UTP20: variants seen among roughly 807,000 people sequenced by gnomAD.
UTP20 encodes the protein small subunit processome component 20 homolog.
A neutral mutation model predicts 329.5 loss-of-function variants in UTP20; 164 were observed. That is an observed-to-expected ratio of 0.50 (90% CI 0.44 to 0.57). The LOEUF (loss-of-function observed/expected upper bound fraction) is 0.57. UTP20 is among the 20% of genes least tolerant of loss of function. The pLI is 0.00. For missense variants in UTP20, 3,055 were observed against 3,284.2 expected, an observed-to-expected ratio of 0.93 and a Z score of 1.71; for synonymous variants, 1,151 against 1,159.3, an observed-to-expected ratio of 0.99 and a Z score of 0.14.
chr12:101,345,337 C>A (rs1482855190), intron 36 of UTP20, among the ~76,000 whole-genome samples: 1 of 151,802 alleles, frequency 6.6e-6, no homozygotes, highest in Non-Finnish European at 1.5e-5. Context: ...CTGGAGTACA[C>A]CACCACACCT....
At chr12:101,357,686 C>G (rs1455992030) in intron 43 of UTP20, among the ~76,000 whole-genome samples, 1 of 152,140 alleles carries the variant, frequency 6.6e-6, no homozygotes, top group Admixed American at 6.6e-5. Flanking sequence ...CCTGGAAGGT[C>G]AAGGCTGCAG....
rs1214065627 is a variant in UTP20, at chr12:101,300,026, T to G, written c.1640T>G (p.Leu547Arg). The change falls in exon 14 of 62, where the codon CTC (leucine) becomes CGC (arginine). Residue 547 changes from leucine to arginine, a missense_variant. Leu to Arg is a moderately radical substitution (Grantham distance 102). Transcript: ENST00000261637. ...CTCGTCACCGGCTTCATAGAGGCACTCTTCATGACTGTTGACAAAGGAAGC... is the reference window on the plus strand; with the variant it reads ...CTCGTCACCGGCTTCATAGAGGCACGCTTCATGACTGTTGACAAAGGAAGC... ...IPLVTGFIEALFMTVDKGSFG... is the reference protein window; with the variant it reads ...IPLVTGFIEARFMTVDKGSFG... The G allele has an allele frequency of 1.9e-6, 3 of 1,614,210 alleles. No homozygotes were observed. Among genetic ancestry groups the G allele is most frequent in the South Asian group, 1.1e-5 (1 of 91,090 alleles).
chr12:101,287,846 G>A (rs941667906), intron 5 of UTP20, among the ~76,000 whole-genome samples: 15 of 152,228 alleles, frequency 9.9e-5, no homozygotes, highest in Admixed American at 2.6e-4. Context: ...TTCTCACAAA[G>A]TTTACATTTT....
chr12:101,305,782 A>G, intron 15 of UTP20, 133 bp from the exon 16 acceptor site: 1 of 1,021,274 alleles, frequency 9.8e-7, no homozygotes, highest in Non-Finnish European at 1.3e-6. Flanking sequence ...AGTGAGCCAG[A>G]TATCCACGTG....
chr12:101,292,160 T>G, intron 10 of UTP20, 56 bp downstream of exon 10: 2 of 1,567,384 alleles, frequency 1.3e-6, no homozygotes, highest in African/African-American at 2.7e-5. Context: ...TAGCATTGAG[T>G]AACCTTCTGA....
At position 101,362,037 on chromosome 12, in the gene UTP20, T is replaced by C; in HGVS notation, c.5767T>C (p.Ser1923Pro). The change falls in exon 44 of 62, where the codon TCT becomes CCT. Residue 1923 changes from serine to proline, a missense_variant. Ser to Pro is a moderately conservative substitution (Grantham distance 74, BLOSUM62 -1). Around this residue, in one of 3 missense-constraint regions of UTP20, gnomAD observed 2,445 missense variants for 2,575.5 expected, o/e 0.95. Coordinates refer to ENST00000261637, the MANE Select transcript of UTP20 (RefSeq NM_014503.3). ...TNKLQVGDLD[S>P]CLDIMIEIFN... ...TAAGCTGCAGGTCGGAGATTTGGAC[T>C]CTTGTTTAGATATAATGATTGAGGT... 2.5e-6 allele frequency: 4 copies of C among 1,613,444 alleles called. No individual in the cohort carries two copies. Among genetic ancestry groups the C allele is most frequent in the Non-Finnish European group, 3.4e-6 (4 of 1,179,564 alleles).
chr12:101,339,510 T>A (rs1366280455), intron 31 of UTP20, among the ~76,000 whole-genome samples: 2 of 152,140 alleles, frequency 1.3e-5, no homozygotes, highest in African/African-American at 4.8e-5. Context: ...TTAATAAAAT[T>A]AAAGGGGACA....
At position 101,374,951 on chromosome 12, in the gene UTP20, G is replaced by C; in HGVS notation, c.7263+12G>C. On this transcript the variant is annotated intron_variant, in intron 55 of 61. Coordinates refer to ENST00000261637, the MANE Select transcript of UTP20 (RefSeq NM_014503.3). ...AAAACTTTAAAGATGTAAGTAATTT[G>C]CTAGGGAATAAAACTTTTCTAACTT... 1 of 1,604,220 alleles carries C rather than the reference G, an allele frequency of 6.2e-7. No homozygotes were observed. The highest frequency in any genetic ancestry group is 2.2e-5 in the East Asian group (1 of 44,786).
Position 101,346,589 on chromosome 12 carries a change from G to A in UTP20, c.4884+1G>A, listed in dbSNP as rs1869333211. On this transcript the variant is annotated splice_donor_variant, in intron 38 of 61. Transcript: ENST00000261637. LOFTEE classifies it high-confidence loss of function. Reference sequence around the variant, plus strand: ...AATTTTTGATGAGAAAATGCTCAAGGTAGGTCATTAGATCTAGAAACCAAG... The same window carrying A: ...AATTTTTGATGAGAAAATGCTCAAGATAGGTCATTAGATCTAGAAACCAAG... The A allele has an allele frequency of 6.3e-7, 1 of 1,585,208 alleles. No homozygotes were observed. The highest frequency in any genetic ancestry group is 1.4e-5 in the African/African-American group (1 of 73,226).
intron 48 of UTP20, 151 bp downstream of exon 48, chr12:101,368,127 T>A (rs1231679885): frequency 4.0e-6 from 1 of 247,168 alleles, no homozygotes; most frequent in South Asian, 7.1e-5. Context: ...GGTTTTTGGG[T>A]TTTTTTTTTT....
intron 31 of UTP20, among the ~76,000 whole-genome samples, chr12:101,340,141 G>A (rs1223477014): frequency 6.6e-6 from 1 of 152,078 alleles, no homozygotes; most frequent in African/African-American, 2.4e-5. Flanking sequence ...GGCTATCATG[G>A]GTGTTAAATT....
At chr12:101,286,951 A>G (rs900511360) in intron 5 of UTP20, among the ~76,000 whole-genome samples, 1 of 152,180 alleles carries the variant, frequency 6.6e-6, no homozygotes, top group African/African-American at 2.4e-5. Context: ...CCAGCCACTA[A>G]TACTTACTAA....
intron 1 of UTP20, 38 bp from the exon 2 acceptor site, chr12:101,281,078 T>C: frequency 6.6e-7 from 1 of 1,524,216 alleles, no homozygotes; most frequent in Non-Finnish European, 9.0e-7. Flanking sequence ...TGATAAATTT[T>C]AATTAATTAT....
At chr12:101,370,310 G>T in intron 49 of UTP20, 122 bp from the exon 50 acceptor site, 1 of 1,230,940 alleles carries the variant, frequency 8.1e-7, no homozygotes, top group Admixed American at 2.4e-5. Context: ...AATTTGCCAA[G>T]GCTAGAGGGC....
At chr12:101,375,843 C>CT in intron 56 of UTP20, 87 bp downstream of exon 56, 3 of 803,104 alleles carry the variant, frequency 3.7e-6, no homozygotes, top group South Asian at 1.9e-5. Flanking sequence ...AATATGAATA[C>CT]TTCAGAAAGT....
At chr12:101,324,428 G>C (rs565282939) in intron 25 of UTP20, among the ~76,000 whole-genome samples, 1 of 151,876 alleles carries the variant, frequency 6.6e-6, no homozygotes, top group East Asian at 2.0e-4. Context: ...TTGTAGAGAC[G>C]GAGTTTCACC....
chr12:101,281,142 G>A lies in UTP20; in HGVS notation c.72G>A (p.Gly24=). The change falls in exon 2 of 62, where the codon GGG becomes GGA. Residue 24 remains glycine (G), a synonymous_variant. Transcript: ENST00000261637. ...TTCTTACATTTGCTGAACGACTGGGGAATGTTAATATTGATATTATTCACC... is the reference window on the plus strand; with the variant it reads ...TTCTTACATTTGCTGAACGACTGGGAAATGTTAATATTGATATTATTCACC... ...YRFLTFAERL[G]NVNIDIIHRI... 1 of 1,612,964 alleles carries A rather than the reference G, an allele frequency of 6.2e-7. No homozygotes were observed. The highest frequency in any genetic ancestry group is 8.5e-7 in the Non-Finnish European group (1 of 1,179,412).
In UTP20 at chr12:101,375,716, T is replaced by C. The variant is rs1364782126; in HGVS notation, c.7356T>C (p.Ile2452=). 2 of 1,601,266 alleles carry C rather than the reference T, an allele frequency of 1.2e-6. No homozygotes were observed. The highest frequency in any genetic ancestry group is 1.7e-6 in the Non-Finnish European group (2 of 1,170,690). ...ITKLIKECNI[I]QFTKPAETLS... is the part of the protein sequence containing the mutation. ...AACTTATCAAGGAATGTAATATTAT[T>C]CAGTTTACCAAACCCGCTGAGACTT... is the stretch of plus-strand genomic sequence containing the variant. Residue 2452 remains isoleucine (I), a synonymous_variant, in exon 56 of 62, where the codon ATT becomes ATC. Coordinates refer to ENST00000261637, the MANE Select transcript of UTP20 (RefSeq NM_014503.3).
chr12:101,288,882 C>G, intron 5 of UTP20, 78 bp from the exon 6 acceptor site: 1 of 1,276,318 alleles, frequency 7.8e-7, no homozygotes, highest in Non-Finnish European at 1.1e-6. Flanking sequence ...CACATTGTTG[C>G]CCATATTGTT....
Sources: allele counts gnomAD v4.1 joint callset (sites outside exome capture counted in the v4.1 genomes callset), GRCh38; gene constraint gnomAD v4.1.1; regional missense constraint gnomAD v4.1.1; transcripts MANE v1.5; gene names NCBI Gene and HGNC (gene_info 2026-07-23, HGNC 2026-07-21).